FRMD3: variants seen among roughly 807,000 people sequenced by gnomAD.
The protein encoded by FRMD3 is FERM domain containing 3.
In FRMD3, 33 loss-of-function variants were observed where a neutral mutation model predicts 70.2. That is an observed-to-expected ratio of 0.47 (90% CI 0.36 to 0.63). The LOEUF is 0.63. Ranked by LOEUF, FRMD3 falls within the 20% of genes least tolerant of loss-of-function variation. The probability of loss-of-function intolerance (pLI) is 0.00; values close to 1 mark genes in which losing one functional copy is unlikely to be tolerated. For missense variants in FRMD3, 632 were observed against 711.4 expected (o/e 0.89, Z 1.27); for synonymous variants, 279 against 255.9 (o/e 1.09, Z -0.86).
chr9:83,576,837 T>C, the FRMD3 span, among the ~76,000 whole-genome samples: 2 of 152,080 alleles, frequency 1.3e-5, no homozygotes, highest in Non-Finnish European at 1.5e-5. Flanking sequence ...TGATTTTATA[T>C]ACAGAAAATC....
intron 1 of FRMD3, among the ~76,000 whole-genome samples, chr9:83,517,581 AT>A (rs1417746264): frequency 6.6e-6 from 1 of 151,708 alleles, no homozygotes; most frequent in African/African-American, 2.4e-5. Context: ...ACCCGGTACC[AT>A]TCCTCCTAAA....
intron 1 of FRMD3, among the ~76,000 whole-genome samples, chr9:83,452,147 T>C (rs891778296): frequency 6.6e-6 from 1 of 152,196 alleles, no homozygotes; most frequent in African/African-American, 2.4e-5. Context: ...CCAACAGTTC[T>C]CTTCTAGCTA....
chr9:83,567,215 C>T, the FRMD3 span, among the ~76,000 whole-genome samples: 20 of 152,344 alleles, frequency 1.3e-4, no homozygotes, highest in African/African-American at 3.4e-4. Flanking sequence ...TCTGAAGCCA[C>T]GGTCAGAGCT....
chr9:83,359,266 T>C (rs993799855), intron 3 of FRMD3, among the ~76,000 whole-genome samples: 4 of 152,192 alleles, frequency 2.6e-5, no homozygotes, highest in East Asian at 1.9e-4. Flanking sequence ...TTAAGGGAGA[T>C]TGGAATGCTG....
chr9:83,452,185 C>T (rs183254781), intron 1 of FRMD3, among the ~76,000 whole-genome samples: 163 of 152,214 alleles, frequency 1.1e-3, no homozygotes, highest in African/African-American at 3.7e-3. Flanking sequence ...GTAGACGCTC[C>T]GTATGTACAC....
intron 13 of FRMD3, among the ~76,000 whole-genome samples, chr9:83,284,607 AAAAC>A (rs886828830): frequency 1.2e-4 from 18 of 152,326 alleles, no homozygotes; most frequent in East Asian, 5.8e-4. Flanking sequence ...ACTCCATCTC[AAAAC>A]AAACAAACAA....
chr9:83,572,750 A>T, the FRMD3 span, among the ~76,000 whole-genome samples: 2 of 152,168 alleles, frequency 1.3e-5, no homozygotes, highest in Non-Finnish European at 2.9e-5. Context: ...GCAGAGTTGG[A>T]TTTGTGCAGG....
At chr9:83,395,819 C>G (rs1020506886) in intron 1 of FRMD3, among the ~76,000 whole-genome samples, 1 of 151,342 alleles carries the variant, frequency 6.6e-6, no homozygotes, top group African/African-American at 2.4e-5. Context: ...TCCTAAAACT[C>G]CAAGCGAGGT....
At chr9:83,260,048 T>A (rs1362658739) in intron 13 of FRMD3, among the ~76,000 whole-genome samples, 2 of 152,086 alleles carry the variant, frequency 1.3e-5, no homozygotes, top group Non-Finnish European at 2.9e-5. Context: ...AGTTCTATAG[T>A]CTTGGACTTT....
the FRMD3 span, among the ~76,000 whole-genome samples, chr9:83,561,976 T>C: frequency 2.0e-5 from 3 of 152,212 alleles, no homozygotes; most frequent in East Asian, 3.8e-4. Flanking sequence ...GCAGGGAACA[T>C]ATCTTATGCA....
intron 1 of FRMD3, among the ~76,000 whole-genome samples, chr9:83,449,910 C>G (rs1827591212): frequency 6.6e-6 from 1 of 152,134 alleles, no homozygotes; most frequent in Admixed American, 6.5e-5. Context: ...CATGTTGATC[C>G]AGCTGTTCGA....
At chr9:83,337,422 C>A (rs1823617426) in intron 5 of FRMD3, among the ~76,000 whole-genome samples, 3 of 152,164 alleles carry the variant, frequency 2.0e-5, no homozygotes, top group Non-Finnish European at 4.4e-5. Context: ...CATCTCTGAG[C>A]ACCCAGAAGG....
intron 1 of FRMD3, among the ~76,000 whole-genome samples, chr9:83,403,265 C>T (rs1826005102): frequency 6.6e-6 from 1 of 152,114 alleles, no homozygotes. Context: ...AAGGCACTAT[C>T]TTTTCTCTCC....
At chr9:83,479,661 AAG>A in intron 1 of FRMD3, among the ~76,000 whole-genome samples, 1 of 55,584 alleles carries the variant, frequency 1.8e-5, no homozygotes, top group Non-Finnish European at 3.4e-5. Context: ...GGAAGGAAGG[AAG>A]GAAGGAAGGA....
chr9:83,585,274 A>G, the FRMD3 span, among the ~76,000 whole-genome samples: 1 of 152,216 alleles, frequency 6.6e-6, no homozygotes, highest in Non-Finnish European at 1.5e-5. Context: ...TTCCTGCAGC[A>G]AAGCGAGCAG....
chr9:83,409,436 AAAAC>A (rs1826218253), intron 1 of FRMD3, among the ~76,000 whole-genome samples: 1 of 152,166 alleles, frequency 6.6e-6, no homozygotes. Context: ...CCTTCCATCA[AAAAC>A]AAACAAACAA....
chr9:83,582,240 A>G, the FRMD3 span, among the ~76,000 whole-genome samples: 1 of 152,128 alleles, frequency 6.6e-6, no homozygotes, highest in Admixed American at 6.5e-5. Context: ...TCCAGCCGAA[A>G]AGCAATATCT....
chr9:83,493,713 C>G (rs923218876), intron 1 of FRMD3, among the ~76,000 whole-genome samples: 14 of 152,212 alleles, frequency 9.2e-5, no homozygotes, highest in African/African-American at 3.4e-4. Context: ...AAACTTATTG[C>G]TCACAGAACC....
intron 2 of FRMD3, among the ~76,000 whole-genome samples, chr9:83,376,244 G>C (rs959671816): frequency 4.6e-5 from 7 of 150,722 alleles, no homozygotes; most frequent in Admixed American, 2.0e-4. Context: ...TTACCCATGT[G>C]GACAAAGAGG....
Sources: allele counts gnomAD v4.1 joint callset (sites outside exome capture counted in the v4.1 genomes callset), GRCh38; gene constraint gnomAD v4.1.1; transcripts MANE v1.5; gene names NCBI Gene and HGNC (gene_info 2026-07-23, HGNC 2026-07-21).